Variants in C8B observed in about 807,000 individuals in gnomAD.
C8B encodes the protein complement component C8 beta chain.
Under a neutral mutation model 64.6 loss-of-function variants are expected in C8B, and 67 were observed. That is an observed-to-expected ratio of 1.04 (90% confidence interval 0.85 to 1.27). The LOEUF (loss-of-function observed/expected upper bound fraction) is 1.27. Ranked by LOEUF, C8B falls within the 50% of genes most tolerant of loss-of-function variation. The probability of loss-of-function intolerance (pLI) is 0.00; values close to 1 mark genes in which losing one functional copy is unlikely to be tolerated. For missense variants in C8B, 790 were observed against 725.2 expected (o/e 1.09, Z -1.03); for synonymous variants, 284 against 257.7 (o/e 1.10, Z -0.98).
chr1:56,939,085 G>C lies in C8B; in HGVS notation c.1398+1764C>G, dbSNP rs1644813921. 2.0e-5 allele frequency among the ~76,000 whole-genome samples: 3 copies of C among 152,312 alleles called. No homozygotes were observed. The South Asian group carries it at 6.2e-4, about 32-fold the overall frequency. On this transcript the variant is annotated intron_variant, in intron 9 of 11. Coordinates refer to ENST00000371237, the MANE Select transcript of C8B (RefSeq NM_000066.4). ...TGGCATCTGACATTCTCAGTGCCCA[G>C]GTAGGCACATTCAACTGATCTGAGT... is the stretch of plus-strand genomic sequence containing the variant.
At chr1:56,951,767 C>T (rs1212775607) in intron 5 of C8B, among the ~76,000 whole-genome samples, 4 of 152,196 alleles carry the variant, frequency 2.6e-5, no homozygotes. Flanking sequence ...GGCAGAGCCA[C>T]CAAGTCAGTG....
At chr1:56,965,245 C>T (rs1408520233) in intron 1 of C8B, among the ~76,000 whole-genome samples, 6 of 152,156 alleles carry the variant, frequency 3.9e-5, no homozygotes, top group Admixed American at 3.3e-4. Context: ...GTCACTGGCT[C>T]TTCTATCACT....
At position 56,931,926 on chromosome 1, in the gene C8B, A is replaced by G. The variant is rs56329018; in HGVS notation, c.1553-48T>C. ...GTGTGAATCATGCCAGGTGGAGCAA[A>G]GAACTCCTGGAGCTCAGCCCTCCAA... On this transcript the variant is annotated intron_variant, in intron 10 of 11. Coordinates refer to ENST00000371237, the MANE Select transcript of C8B (RefSeq NM_000066.4). The G allele has an allele frequency of 4.4e-6, 6 of 1,357,636 alleles. No homozygotes were observed. The East Asian group carries it at 1.4e-4, about 31-fold the overall frequency. 84.1% of individuals were successfully genotyped at this position (1,357,636 alleles called of 1,614,324 possible).
At chr1:56,938,330 A>C (rs1557729239) in intron 9 of C8B, among the ~76,000 whole-genome samples, 1 of 152,170 alleles carries the variant, frequency 6.6e-6, no homozygotes, top group African/African-American at 2.4e-5. Context: ...TATAGCTTCC[A>C]ATGTGGGCTT....
intron 7 of C8B, among the ~76,000 whole-genome samples, chr1:56,944,646 A>C (rs1233796651): frequency 1.3e-5 from 2 of 152,230 alleles, no homozygotes; most frequent in Non-Finnish European, 2.9e-5. Context: ...AAACTTTGAG[A>C]GTGGAATCTA....
At chr1:56,959,868 G>T in intron 2 of C8B, 152 bp downstream of exon 2, 1 of 898,098 alleles carries the variant, frequency 1.1e-6, no homozygotes, top group Non-Finnish European at 1.8e-6. Context: ...ATTGCTGCTT[G>T]GAAGCACAGA....
At chr1:56,952,638 C>A (rs907785509) in intron 4 of C8B, among the ~76,000 whole-genome samples, 1 of 152,160 alleles carries the variant, frequency 6.6e-6, no homozygotes, top group African/African-American at 2.4e-5. Flanking sequence ...AGTTGCCTTG[C>A]GAGAGTTGGG....
chr1:56,941,298 G>C (rs750532754), intron 8 of C8B, among the ~76,000 whole-genome samples: 9 of 152,112 alleles, frequency 5.9e-5, no homozygotes, highest in Non-Finnish European at 1.0e-4. Flanking sequence ...ATAGATGATA[G>C]CTAGATTAGA....
intron 8 of C8B, among the ~76,000 whole-genome samples, chr1:56,942,277 C>G (rs1644874048): frequency 6.6e-6 from 1 of 152,196 alleles, no homozygotes; most frequent in African/African-American, 2.4e-5. Flanking sequence ...AAGCATGCAG[C>G]TGACACTTAC....
intron 11 of C8B, among the ~76,000 whole-genome samples, chr1:56,930,703 CTCAGTTTCT>C (rs1644688548): frequency 6.6e-6 from 1 of 152,160 alleles, no homozygotes; most frequent in African/African-American, 2.4e-5. Flanking sequence ...CCCATTGAAC[CTCAGTTTCT>C]TCATCTATAA....
At chr1:56,950,611 G>A (rs548410438) in intron 5 of C8B, among the ~76,000 whole-genome samples, 2 of 152,322 alleles carry the variant, frequency 1.3e-5, no homozygotes, top group East Asian at 1.9e-4. Context: ...GCCGCTACAA[G>A]GGGAAGGAGG....
At chr1:56,945,713 A>T in intron 7 of C8B, 108 bp downstream of exon 7, 1 of 1,379,744 alleles carries the variant, frequency 7.2e-7, no homozygotes, top group Non-Finnish European at 1.0e-6. Flanking sequence ...AGGAATCTGC[A>T]AATGACACTG....
Position 56,949,563 on chromosome 1 carries a change from A to C in C8B, c.856T>G (p.Ser286Ala), listed in dbSNP as rs1422907965. The C allele has an allele frequency of 1.9e-6, 3 of 1,613,300 alleles. No homozygotes were observed. Among genetic ancestry groups the C allele is most frequent in the Non-Finnish European group, 2.5e-6 (3 of 1,179,396 alleles). ...AACAAAGACATACTTACAGTATGAG[A>C]GAATCGTTTGGTTCTCCTAATATAG... ...KHYIRRTKRFSHTKSVFLHAR... is the reference protein window; with the variant it reads ...KHYIRRTKRFAHTKSVFLHAR... The change falls in exon 6 of 12, where the codon TCT becomes GCT. Residue 286 changes from serine (S) to alanine (A), a missense_variant. Physicochemically the swap from Ser to Ala is moderately conservative, Grantham distance 99. Transcript: ENST00000371237.
intron 4 of C8B, among the ~76,000 whole-genome samples, chr1:56,952,475 C>A (rs917171346): frequency 2.6e-5 from 4 of 152,180 alleles, no homozygotes; most frequent in Non-Finnish European, 4.4e-5. Context: ...TGTTTTATCT[C>A]TGACTTGTCT....
chr1:56,959,243 C>T (rs891228235), intron 2 of C8B, among the ~76,000 whole-genome samples: 1 of 152,194 alleles, frequency 6.6e-6, no homozygotes, highest in African/African-American at 2.4e-5. Context: ...TTATGAAGAA[C>T]CTATTCTGTG....
chr1:56,959,720 T>C (rs1469850441), intron 2 of C8B: 1 of 962,362 alleles, frequency 1.0e-6, no homozygotes, highest in Non-Finnish European at 1.5e-6. Flanking sequence ...AGACATACAC[T>C]ATGATTGCTT....
At chr1:56,965,836 T>C (rs1442351236) in intron 1 of C8B, 21 bp downstream of exon 1, 1 of 1,613,090 alleles carries the variant, frequency 6.2e-7, no homozygotes, top group Admixed American at 1.7e-5. Flanking sequence ...GATCAGGGAA[T>C]TATTGGTAAC....
chr1:56,930,758 G>A (rs989202356), intron 11 of C8B, among the ~76,000 whole-genome samples: 3 of 152,276 alleles, frequency 2.0e-5, no homozygotes, highest in East Asian at 3.9e-4. Flanking sequence ...TCATGGGGTT[G>A]TTGTGAGGAT....
intron 4 of C8B, 102 bp from the exon 5 acceptor site, chr1:56,952,282 C>A: frequency 6.7e-7 from 1 of 1,492,878 alleles, no homozygotes; most frequent in Non-Finnish European, 9.2e-7. Context: ...CTTGGCACAG[C>A]CTTCAAGGCC....
Sources: gnomAD v4.1 joint callset for allele counts (sites outside exome capture counted in the v4.1 genomes callset) on GRCh38, gnomAD v4.1.1 for gene constraint, MANE v1.5 for transcripts, NCBI Gene and HGNC (gene_info 2026-07-23, HGNC 2026-07-21) for gene names.